The following TTBK2 variants were observed in gnomAD, a reference collection of about 807,000 sequenced individuals.
TTBK2 encodes tau-tubulin kinase 2.
A neutral mutation model predicts 110.8 loss-of-function variants in TTBK2; 28 were observed. That is an observed-to-expected ratio of 0.25 (90% confidence interval 0.19 to 0.35). The LOEUF (loss-of-function observed/expected upper bound fraction) is 0.35. TTBK2 is among the 10% of genes least tolerant of loss of function. The probability of loss-of-function intolerance (pLI) is 1.00; values close to 1 mark genes in which losing one functional copy is unlikely to be tolerated. For missense variants in TTBK2, 1,369 were observed against 1,500.3 expected, an observed-to-expected ratio of 0.91 and a Z score of 1.45; for synonymous variants, 532 against 527.3, an observed-to-expected ratio of 1.01 and a Z score of -0.12.
chr15:42,896,444 A>G (rs1280708339), intron 1 of TTBK2, among the ~76,000 whole-genome samples: 2 of 151,932 alleles, frequency 1.3e-5, no homozygotes, highest in Non-Finnish European at 2.9e-5. Context: ...TAAATCTCAC[A>G]CTCTACACAA....
At chr15:42,853,034 C>T (rs981790628) in intron 3 of TTBK2, among the ~76,000 whole-genome samples, 3 of 152,138 alleles carry the variant, frequency 2.0e-5, no homozygotes, top group African/African-American at 7.2e-5. Context: ...GTTGTCTAAT[C>T]CAGAAATTAC....
intron 10 of TTBK2, among the ~76,000 whole-genome samples, chr15:42,794,073 G>A (rs1595916644): frequency 7.7e-6 from 1 of 130,200 alleles, no homozygotes; most frequent in Non-Finnish European, 1.6e-5. Context: ...TGACCAAAAA[G>A]TTTGAAACAA....
intron 1 of TTBK2, among the ~76,000 whole-genome samples, chr15:42,913,621 G>C (rs974009752): frequency 1.3e-5 from 2 of 151,530 alleles, no homozygotes; most frequent in African/African-American, 4.9e-5. Context: ...CTGGGCGACA[G>C]AGCGAGACTC....
chr15:42,818,023 AC>A (rs1241730473), intron 6 of TTBK2, among the ~76,000 whole-genome samples: 2 of 151,670 alleles, frequency 1.3e-5, no homozygotes, highest in Non-Finnish European at 2.9e-5. Context: ...CACCTTTACT[AC>A]CCCCAAATCA....
intron 3 of TTBK2, among the ~76,000 whole-genome samples, chr15:42,854,859 A>G (rs187910445): frequency 1.9e-4 from 29 of 152,170 alleles, no homozygotes; most frequent in Admixed American, 1.4e-3. Flanking sequence ...TCTTACTCAG[A>G]AAAAAAATCA....
chr15:42,843,080 C>T (rs991460361), intron 3 of TTBK2, among the ~76,000 whole-genome samples: 1 of 152,100 alleles, frequency 6.6e-6, no homozygotes, highest in Non-Finnish European at 1.5e-5. Context: ...GTACAGGGAC[C>T]GTATCTATCT....
At chr15:42,763,106 A>ATACG (rs2062058197) in intron 13 of TTBK2, among the ~76,000 whole-genome samples, 1 of 113,520 alleles carries the variant, frequency 8.8e-6, no homozygotes, top group African/African-American at 4.0e-5. Flanking sequence ...ATATATACGT[A>ATACG]TATATATATA....
At chr15:42,805,866 T>A (rs957370422) in intron 9 of TTBK2, among the ~76,000 whole-genome samples, 1 of 152,210 alleles carries the variant, frequency 6.6e-6, no homozygotes, top group Non-Finnish European at 1.5e-5. Context: ...AGTGTCAATA[T>A]ATGGGCAGAG....
At chr15:42,815,895 T>TATATATATATATTTAAAA (rs1480339424) in intron 7 of TTBK2, among the ~76,000 whole-genome samples, 8 of 73,126 alleles carry the variant, frequency 1.1e-4, no homozygotes, top group South Asian at 4.6e-4. Flanking sequence ...TATTTAAAAA[T>TATATATATATATTTAAAA]ATATATATAT....
intron 3 of TTBK2, among the ~76,000 whole-genome samples, chr15:42,861,857 G>A (rs1424862442): frequency 6.6e-6 from 1 of 152,008 alleles, no homozygotes; most frequent in African/African-American, 2.4e-5. Context: ...CATTACCAAA[G>A]GGGGAAAAAG....
rs924739639 is a variant in TTBK2 at position 42,878,688 on chromosome 15, A to AAAC, written c.-67-7_-67-5dup. On this transcript the variant is annotated splice_region_variant and splice_polypyrimidine_tract_variant and intron_variant, in intron 1 of 14. Transcript: ENST00000267890. ...CCAAGGGTGGTTTCCATTTAACCTA[A>AAAC]AACAACAACAACAAAAAATAGTAGC... 3 of 1,611,654 alleles carry AAAC rather than the reference A, an allele frequency of 1.9e-6. No individual in the cohort carries two copies. The highest frequency in any genetic ancestry group is 2.5e-6 in the Non-Finnish European group (3 of 1,179,248).
intron 10 of TTBK2, among the ~76,000 whole-genome samples, chr15:42,791,754 G>T (rs1890696664): frequency 6.6e-6 from 1 of 152,086 alleles, no homozygotes; most frequent in South Asian, 2.1e-4. Flanking sequence ...CCTTGTATCT[G>T]CTATTCCTGT....
intron 13 of TTBK2, among the ~76,000 whole-genome samples, chr15:42,765,813 T>C (rs1889339661): frequency 6.6e-6 from 1 of 152,088 alleles, no homozygotes; most frequent in Admixed American, 6.5e-5. Context: ...AGACACAAAA[T>C]TGTCAGATTC....
chr15:42,868,680 G>C (rs1030268017), intron 3 of TTBK2, among the ~76,000 whole-genome samples: 10 of 147,024 alleles, frequency 6.8e-5, no homozygotes, highest in Non-Finnish European at 1.3e-4. Flanking sequence ...AACAAAGCCA[G>C]ACTCTACATC....
rs995127991 is a variant in TTBK2, at chr15:42,854,626, T to C, written c.218-14193A>G. ...ACAATATTCTGAATTCCTAAAACATTAGACCAACCTATATGCAAGAGAAAA... is the reference window on the plus strand; with the variant it reads ...ACAATATTCTGAATTCCTAAAACATCAGACCAACCTATATGCAAGAGAAAA... On this transcript the variant is annotated intron_variant, in intron 3 of 14. Transcript: ENST00000267890. Among the ~76,000 whole-genome samples the C allele has an allele frequency of 2.7e-5, 4 of 150,252 alleles. No homozygotes were observed. In the South Asian group the frequency reaches 8.4e-4, roughly 32 times the overall value.
intron 13 of TTBK2, among the ~76,000 whole-genome samples, chr15:42,767,862 A>T (rs901680697): frequency 1.5e-4 from 23 of 152,262 alleles, no homozygotes; most frequent in African/African-American, 5.5e-4. Context: ...ACAAATCCTC[A>T]ATAAAATACC....
chr15:42,891,898 A>G (rs1338092531), intron 1 of TTBK2, among the ~76,000 whole-genome samples: 3 of 152,192 alleles, frequency 2.0e-5, no homozygotes, highest in Non-Finnish European at 4.4e-5. Context: ...TGAGGTCTGC[A>G]TTAACTTGAC....
intron 2 of TTBK2, among the ~76,000 whole-genome samples, chr15:42,875,124 C>T (rs1854631626): frequency 6.6e-6 from 1 of 152,130 alleles, no homozygotes. Flanking sequence ...TCACGTTTTA[C>T]CTCACAAAAA....
chr15:42,741,174 C>CA lies in TTBK2; in HGVS notation c.*4620dup, dbSNP rs1303393776. 6.6e-6 allele frequency: 1 copy of CA among 152,182 alleles called. No homozygotes were observed. The highest frequency in any genetic ancestry group is 1.9e-4 in the East Asian group (1 of 5,202). 9.4% of individuals were successfully genotyped at this position (152,182 alleles called of 1,614,324 possible). On this transcript the variant is annotated 3_prime_UTR_variant, in exon 15 of 15. Transcript: ENST00000267890. Reference sequence around the variant, plus strand: ...AATACTCAATGATAGGATGAGTTTCCACTCTACTTCCTTATCCTCAAGGCA... The same window carrying CA: ...AATACTCAATGATAGGATGAGTTTCCAACTCTACTTCCTTATCCTCAAGGCA...
Sources: allele counts gnomAD v4.1 joint callset (sites outside exome capture counted in the v4.1 genomes callset), GRCh38; gene constraint gnomAD v4.1.1; transcripts MANE v1.5; gene names NCBI Gene and HGNC (gene_info 2026-07-23, HGNC 2026-07-21).